The following ZNF423 variants were observed in gnomAD, a reference collection of about 807,000 sequenced individuals.
ZNF423 encodes Ebf-associated zinc finger protein.
In ZNF423, 12 loss-of-function variants were observed where a neutral mutation model predicts 95.8. The ratio of observed to expected loss-of-function variants is 0.13; its 90% confidence interval spans 0.08 to 0.20. ZNF423 has a LOEUF of 0.20. Among genes scored for constraint, ZNF423 ranks in the 10% least tolerant of loss-of-function variants. The probability of loss-of-function intolerance (pLI) is 1.00; values close to 1 mark genes in which losing one functional copy is unlikely to be tolerated. For synonymous variants in ZNF423, 749 were observed against 711.9 expected, an observed-to-expected ratio of 1.05 and a Z score of -0.83; for missense variants, 1,316 against 1,737.1, an observed-to-expected ratio of 0.76 and a Z score of 4.31.
chr16:49,774,474 C>T (rs113738531), intron 2 of ZNF423, among the ~76,000 whole-genome samples: 2,936 of 152,232 alleles, frequency 0.019, 107 homozygotes, highest in African/African-American at 0.066. Flanking sequence ...CACAGAACAA[C>T]GTTCCTACAC....
chr16:49,537,660 A>C (rs1969101294), intron 5 of ZNF423, among the ~76,000 whole-genome samples: 1 of 152,120 alleles, frequency 6.6e-6, no homozygotes, highest in Admixed American at 6.5e-5. Context: ...CAGGGCCCTC[A>C]AAAGGTCTTT....
intron 1 of ZNF423, among the ~76,000 whole-genome samples, chr16:49,811,097 G>A (rs908055402): frequency 6.6e-6 from 1 of 152,208 alleles, no homozygotes; most frequent in African/African-American, 2.4e-5. Context: ...GACAGACTGC[G>A]CTGGCTGTGT....
rs543819534 is a variant in ZNF423 at position 49,500,737 on chromosome 16, T to G, written c.3850-9433A>C. Reference sequence around the variant, plus strand: ...TGAGATCAGCCTGGGTGAAACCCCATCTCTACGAAAAAAAAAAAAAATTAG... The same window carrying G: ...TGAGATCAGCCTGGGTGAAACCCCAGCTCTACGAAAAAAAAAAAAAATTAG... On this transcript the variant is annotated intron_variant, in intron 7 of 7. Coordinates refer to ENST00000563137, the MANE Select transcript of ZNF423 (RefSeq NM_001379286.1). Among the ~76,000 whole-genome samples, 4 of 148,892 alleles carry G rather than the reference T, an allele frequency of 2.7e-5. No homozygotes were observed. In the East Asian group the frequency reaches 8.0e-4, roughly 30 times the overall value.
intron 1 of ZNF423, among the ~76,000 whole-genome samples, chr16:49,835,774 G>A (rs2035112390): frequency 6.6e-6 from 1 of 152,216 alleles, no homozygotes; most frequent in Non-Finnish European, 1.5e-5. Context: ...CGGTGCCTGG[G>A]AGTAAGGTTT....
At chr16:49,842,595 A>G (rs993500169) in intron 1 of ZNF423, among the ~76,000 whole-genome samples, 1 of 152,262 alleles carries the variant, frequency 6.6e-6, no homozygotes, top group East Asian at 1.9e-4. Context: ...GGGGGAAAAA[A>G]TAAAAGGCAA....
rs116305406 is a variant in ZNF423, at chr16:49,737,818, G to A, written c.101-6847C>T. On this transcript the variant is annotated intron_variant, in intron 2 of 7. Transcript: ENST00000563137. ...AGCTAGAAAAGGGTCAGCCAATGTC[G>A]GCCCCTGGCCAGCACACGAATCAGA... 8.4e-3 allele frequency among the ~76,000 whole-genome samples: 1,274 copies of A among 152,306 alleles called. 20 individuals are homozygous for A. The highest frequency in any genetic ancestry group is 0.028 in the African/African-American group (1,169 of 41,566).
intron 2 of ZNF423, among the ~76,000 whole-genome samples, chr16:49,737,779 C>G (rs2033322672): frequency 6.6e-6 from 1 of 152,238 alleles, no homozygotes; most frequent in Non-Finnish European, 1.5e-5. Flanking sequence ...CAGGGCCTCA[C>G]CCTCCCAAGG....
chr16:49,848,864 A>G (rs1277996966), intron 1 of ZNF423, among the ~76,000 whole-genome samples: 3 of 152,158 alleles, frequency 2.0e-5, no homozygotes, highest in Non-Finnish European at 4.4e-5. Flanking sequence ...ACCGCAGTGT[A>G]TCAGGCAGGA....
intron 5 of ZNF423, among the ~76,000 whole-genome samples, chr16:49,623,298 C>T (rs1364637785): frequency 1.3e-5 from 2 of 152,204 alleles, no homozygotes; most frequent in African/African-American, 4.8e-5. Context: ...CTCAGAAGCC[C>T]GGCCCACAGC....
intron 2 of ZNF423, among the ~76,000 whole-genome samples, chr16:49,772,947 G>A (rs2034059826): frequency 6.6e-6 from 1 of 152,228 alleles, no homozygotes; most frequent in East Asian, 1.9e-4. Flanking sequence ...ATAGCAGAAG[G>A]CAAAGGAGAA....
chr16:49,552,530 T>C (rs912853850), intron 5 of ZNF423, among the ~76,000 whole-genome samples: 1 of 152,100 alleles, frequency 6.6e-6, no homozygotes, highest in East Asian at 1.9e-4. Flanking sequence ...AGATTGGAGA[T>C]ATTAAGAATG....
chr16:49,703,691 G>A (rs1402722994), intron 3 of ZNF423, among the ~76,000 whole-genome samples: 1 of 152,264 alleles, frequency 6.6e-6, no homozygotes, highest in African/African-American at 2.4e-5. Flanking sequence ...GGCCCAGCAA[G>A]GGTGGATCCG....
At position 49,701,740 on chromosome 16, in the gene ZNF423, TC is replaced by T. The variant is rs535633591; in HGVS notation, c.301+29030del. On this transcript the variant is annotated intron_variant, in intron 3 of 7. Transcript: ENST00000563137. ...GAGATTTAAAAATAGAAAAGTCATT[TC>T]CCCCCTTCCCCGTTGCAGATTTTAC... is the stretch of plus-strand genomic sequence containing the variant. Among the ~76,000 whole-genome samples the T allele has an allele frequency of 1.8e-3, 276 of 152,114 alleles. 1 individual carries two copies. The highest frequency in any genetic ancestry group is 2.4e-3 in the Non-Finnish European group (161 of 67,990).
At chr16:49,582,571 A>T (rs933548200) in intron 5 of ZNF423, among the ~76,000 whole-genome samples, 14 of 152,264 alleles carry the variant, frequency 9.2e-5, no homozygotes, top group African/African-American at 3.4e-4. Context: ...CAGAATAACC[A>T]ATGTAATTGA....
chr16:49,768,278 G>T (rs2033966962), intron 2 of ZNF423, among the ~76,000 whole-genome samples: 1 of 151,860 alleles, frequency 6.6e-6, no homozygotes, highest in Admixed American at 6.5e-5. Flanking sequence ...GGGCCAGTCT[G>T]CAGACGAGAG....
At chr16:49,691,515 G>C (rs1015489578) in intron 3 of ZNF423, among the ~76,000 whole-genome samples, 1 of 152,182 alleles carries the variant, frequency 6.6e-6, no homozygotes, top group African/African-American at 2.4e-5. Flanking sequence ...GGCGGATCAC[G>C]AGATCAGGAG....
intron 5 of ZNF423, among the ~76,000 whole-genome samples, chr16:49,594,584 C>T (rs894739423): frequency 6.6e-6 from 1 of 152,128 alleles, no homozygotes; most frequent in Non-Finnish European, 1.5e-5. Context: ...CCCACAGATC[C>T]AAATACAAAG....
intron 1 of ZNF423, among the ~76,000 whole-genome samples, chr16:49,836,359 G>C (rs2035120190): frequency 6.6e-6 from 1 of 152,030 alleles, no homozygotes; most frequent in Non-Finnish European, 1.5e-5. Context: ...CAGGCCCAGT[G>C]GGGGAGGGGG....
rs1254017112 is a variant in ZNF423, at chr16:49,855,845, G to GCCCTTCTCC, written c.-80_-72dup. 2 of 150,860 alleles carry GCCCTTCTCC rather than the reference G, an allele frequency of 1.3e-5. No individual in the cohort carries two copies. Among genetic ancestry groups the GCCCTTCTCC allele is most frequent in the African/African-American group, 2.4e-5 (1 of 40,912 alleles). The allele number at this position is 150,860 out of a possible 1,614,324, so 9.3% of individuals were successfully genotyped here. On this transcript the variant is annotated 5_prime_UTR_variant, in exon 1 of 8. Coordinates refer to ENST00000563137, the MANE Select transcript of ZNF423 (RefSeq NM_001379286.1). This position sits in a 1 kb window ranked among gnomAD's most constrained non-coding sequence, Gnocchi z 4.7. ...CCGCCGCCCCCCGCCGCTCCGGGCA[G>GCCCTTCTCC]CCCTTCTCCCCCTTCTCCTCCGCCT...
Sources: allele counts gnomAD v4.1 joint callset (sites outside exome capture counted in the v4.1 genomes callset), GRCh38; gene constraint gnomAD v4.1.1; non-coding constraint Gnocchi (gnomAD v3.1); transcripts MANE v1.5; gene names NCBI Gene and HGNC (gene_info 2026-07-23, HGNC 2026-07-21).